The following ECT2 variants were observed in gnomAD, a reference collection of about 807,000 sequenced individuals.
ECT2 encodes protein ECT2.
A neutral mutation model predicts 116.9 loss-of-function variants in ECT2; 61 were observed. That is an observed-to-expected ratio of 0.52 (90% CI 0.42 to 0.65). ECT2 has a LOEUF of 0.65. Among genes scored for constraint, ECT2 ranks in the 30% least tolerant of loss-of-function variants. The probability of loss-of-function intolerance (pLI) is 0.00; values close to 1 mark genes in which losing one functional copy is unlikely to be tolerated. For synonymous variants in ECT2, 358 were observed against 346.4 expected (o/e 1.03, Z -0.37); for missense variants, 937 against 1,078.7 (o/e 0.87, Z 1.84).
intron 14 of ECT2, 115 bp from the exon 15 acceptor site, chr3:172,782,048 T>C (rs1722783581): frequency 2.1e-6 from 1 of 474,504 alleles, no homozygotes; most frequent in Non-Finnish European, 3.6e-6. Context: ...ATTTTACACA[T>C]CAAATTAAGA....
Position 172,821,219 on chromosome 3 carries a change from G to T in ECT2, c.*982G>T, listed in dbSNP as rs1178597870. The stretch of plus-strand genomic sequence containing the variant: ...TCAAAGTGTGATATCTTTCACAATA[G>T]CCTTTTTATAGTCAGTAATTCAGAA... On this transcript the variant is annotated 3_prime_UTR_variant, in exon 25 of 25. Coordinates refer to ENST00000392692, the MANE Select transcript of ECT2 (RefSeq NM_001258315.2). 2 of 151,810 alleles carry T rather than the reference G, an allele frequency of 1.3e-5. No individual in the cohort carries two copies. Among genetic ancestry groups the T allele is most frequent in the African/African-American group, 2.4e-5 (1 of 41,400 alleles). The allele number at this position is 151,810 out of a possible 1,614,324, so 9.4% of individuals were successfully genotyped here. A position where few individuals can be genotyped will look rare whatever the true frequency, so the allele number is the denominator to read the frequency against.
At chr3:172,752,992 T>A (rs967691156) in intron 1 of ECT2, among the ~76,000 whole-genome samples, 2 of 152,204 alleles carry the variant, frequency 1.3e-5, no homozygotes, top group Non-Finnish European at 2.9e-5. Flanking sequence ...GGGGAAAGTC[T>A]GACATGTAGC....
rs62281232 is a variant in ECT2 at position 172,780,476 on chromosome 3, T to C, written c.1549-1687T>C. ...AGTAGATACCTAGGAGTAGCATTGA[T>C]GAGCTATATGGTAGTTTTGTATTTA... On this transcript the variant is annotated intron_variant, in intron 14 of 24. Coordinates refer to ENST00000392692, the MANE Select transcript of ECT2 (RefSeq NM_001258315.2). 5.7e-3 allele frequency among the ~76,000 whole-genome samples: 873 copies of C among 152,340 alleles called. 8 individuals carry two copies. Among genetic ancestry groups the C allele is most frequent in the Middle Eastern group, 0.024 (7 of 294 alleles).
Position 172,762,512 on chromosome 3 carries a change from G to A in ECT2, c.855G>A (p.Glu285=). The stretch of plus-strand genomic sequence containing the variant: ...GTTTCCTGGGATTTTCAGATGAAGA[G>A]AAAACCAATATGGAAGAAATGACTG... The part of the protein sequence containing the change: ...ILSFLGFSDE[E]KTNMEEMTEM... The change falls in exon 9 of 25, where the codon GAG becomes GAA. Residue 285 remains glutamate, a synonymous_variant. Transcript: ENST00000392692. 6.3e-7 allele frequency: 1 copy of A among 1,595,982 alleles called. No individual in the cohort carries two copies. Among genetic ancestry groups the A allele is most frequent in the Non-Finnish European group, 8.5e-7 (1 of 1,175,814 alleles).
chr3:172,789,985 C>A (rs1724356611), intron 18 of ECT2, among the ~76,000 whole-genome samples: 1 of 151,100 alleles, frequency 6.6e-6, no homozygotes. Flanking sequence ...TTTTGACCTC[C>A]CACGATTCAC....
At chr3:172,818,851 G>GGA in intron 24 of ECT2, 2 of 1,027,230 alleles carry the variant, frequency 1.9e-6, no homozygotes, top group Non-Finnish European at 2.4e-6. Flanking sequence ...GTATTTGCGG[G>GGA]AAAAAAAAAA....
chr3:172,775,877 G>C (rs4128823), intron 14 of ECT2, among the ~76,000 whole-genome samples: 1 of 151,790 alleles, frequency 6.6e-6, no homozygotes, highest in Non-Finnish European at 1.5e-5. Flanking sequence ...CAAGTGATCC[G>C]CCCGCCTCGA....
chr3:172,793,330 A>G (rs914672940), intron 18 of ECT2, among the ~76,000 whole-genome samples: 14 of 150,774 alleles, frequency 9.3e-5, no homozygotes, highest in Admixed American at 3.3e-4. Flanking sequence ...ACTCCCAGCT[A>G]ATTTTTGTAT....
chr3:172,820,109 GA>G (rs1349259689), intron 24 of ECT2, 38 bp from the exon 25 acceptor site: 1 of 1,510,182 alleles, frequency 6.6e-7, no homozygotes, highest in Non-Finnish European at 9.1e-7. Context: ...TTTTTTAAAG[GA>G]AAATTTAAAA....
At chr3:172,779,059 A>G (rs1460659172) in intron 14 of ECT2, among the ~76,000 whole-genome samples, 1 of 152,238 alleles carries the variant, frequency 6.6e-6, no homozygotes, top group Non-Finnish European at 1.5e-5. Flanking sequence ...TAAAGCATTT[A>G]GAGGAATCCC....
chr3:172,817,024 ATTCT>A (rs1241251021), intron 24 of ECT2, among the ~76,000 whole-genome samples, 187 bp downstream of exon 24: 1 of 152,128 alleles, frequency 6.6e-6, no homozygotes, highest in African/African-American at 2.4e-5. Context: ...AGATATTTTC[ATTCT>A]TTCTTATGTA....
chr3:172,814,783 A>T (rs561153987), intron 22 of ECT2, among the ~76,000 whole-genome samples: 23 of 152,236 alleles, frequency 1.5e-4, no homozygotes, highest in Middle Eastern at 3.4e-3. Context: ...CACCTAATAT[A>T]CTCATTCCTT....
At chr3:172,762,085 G>A (rs1360930304) in intron 8 of ECT2, among the ~76,000 whole-genome samples, 1 of 152,056 alleles carries the variant, frequency 6.6e-6, no homozygotes, top group East Asian at 1.9e-4. Flanking sequence ...GGCACTTCAT[G>A]AATTAAGATT....
Position 172,755,483 on chromosome 3 carries a change from A to G in ECT2, c.211A>G (p.Thr71Ala), listed in dbSNP as rs764683194. 1 of 1,502,590 alleles carries G rather than the reference A, an allele frequency of 6.7e-7. No individual in the cohort carries two copies. Among genetic ancestry groups the G allele is most frequent in the Non-Finnish European group, 9.0e-7 (1 of 1,115,600 alleles). The allele number at this position is 1,502,590 out of a possible 1,614,324, so 93.1% of individuals were successfully genotyped here. ...TCATACTTAAGTCTCTTTTCCACAG[A>G]CTATTAAAATAATGGAAGTCCCTGT... ...KQEELIKALK[T>A]IKIMEVPVIK... is the part of the protein sequence containing the mutation. Residue 71 changes from threonine (T) to alanine (A), a missense_variant and splice_region_variant, in exon 4 of 25, where the codon ACT (threonine) becomes GCT (alanine). Physicochemically the swap from Thr to Ala is moderately conservative, Grantham distance 58. Coordinates refer to ENST00000392692, the MANE Select transcript of ECT2 (RefSeq NM_001258315.2).
At chr3:172,826,858 C>G in the ECT2 span, among the ~76,000 whole-genome samples, 3 of 152,080 alleles carry the variant, frequency 2.0e-5, no homozygotes, top group Non-Finnish European at 4.4e-5. Flanking sequence ...AGTGAAGAGA[C>G]AGTCACAGAA....
chr3:172,802,026 A>G (rs1726805693), intron 18 of ECT2, among the ~76,000 whole-genome samples: 1 of 152,206 alleles, frequency 6.6e-6, no homozygotes, highest in Non-Finnish European at 1.5e-5. Flanking sequence ...GAAAGTGCAT[A>G]GGGAGTATAG....
chr3:172,816,706 T>G lies in ECT2; in HGVS notation c.2524T>G (p.Ser842Ala), dbSNP rs1438248916. 1 of 1,601,930 alleles carries G rather than the reference T, an allele frequency of 6.2e-7. No individual in the cohort carries two copies. Among genetic ancestry groups the G allele is most frequent in the Non-Finnish European group, 8.5e-7 (1 of 1,171,486 alleles). ...TAAACTCTAGGTTACAAGAGCATTC[T>G]CTTTCTCCAAAACTCCAAAAAGAGC... ...KTSKKVTRAF[S>A]FSKTPKRALR... The change falls in exon 24 of 25, where the codon TCT becomes GCT. Residue 842 changes from serine (S) to alanine (A), a missense_variant. Ser to Ala is a moderately conservative substitution (Grantham distance 99). Transcript: ENST00000392692.
intron 14 of ECT2, among the ~76,000 whole-genome samples, chr3:172,776,322 CT>C (rs906079261): frequency 4.7e-5 from 7 of 148,480 alleles, no homozygotes; most frequent in African/African-American, 1.0e-4. Context: ...AATTTTAAAG[CT>C]TATGTTCTTT....
chr3:172,802,067 CA>C (rs926923504), intron 18 of ECT2, among the ~76,000 whole-genome samples: 8 of 151,970 alleles, frequency 5.3e-5, no homozygotes, highest in African/African-American at 1.9e-4. Flanking sequence ...AATAGTAAAA[CA>C]TACTTTTCTG....
Sources: gnomAD v4.1 joint callset for allele counts (sites outside exome capture counted in the v4.1 genomes callset) on GRCh38, gnomAD v4.1.1 for gene constraint, MANE v1.5 for transcripts, NCBI Gene and HGNC (gene_info 2026-07-23, HGNC 2026-07-21) for gene names.